The following SYNPO2 variants were observed in gnomAD, a reference collection of about 807,000 sequenced individuals.
The protein encoded by SYNPO2 is synaptopodin-2.
Under a neutral mutation model 85.0 loss-of-function variants are expected in SYNPO2, and 56 were observed. The ratio of observed to expected loss-of-function variants is 0.66; its 90% CI spans 0.53 to 0.82. The LOEUF is 0.82. Ranked by LOEUF, SYNPO2 falls within the 40% of genes least tolerant of loss-of-function variation. SYNPO2 has a pLI of 0.00. For missense variants in SYNPO2, 1,575 were observed against 1,534.2 expected, an observed-to-expected ratio of 1.03 and a Z score of -0.44; for synonymous variants, 602 against 591.1, an observed-to-expected ratio of 1.02 and a Z score of -0.27.
intron 1 of SYNPO2, among the ~76,000 whole-genome samples, chr4:119,015,085 G>C (rs1737476803): frequency 6.6e-6 from 1 of 152,132 alleles, no homozygotes; most frequent in South Asian, 2.1e-4. Context: ...TTTCCAAAAT[G>C]GAAGCACCCT....
intron 4 of SYNPO2, among the ~76,000 whole-genome samples, chr4:119,052,360 A>G (rs1739080870): frequency 6.6e-6 from 1 of 152,184 alleles, no homozygotes; most frequent in Non-Finnish European, 1.5e-5. Context: ...GGATGAGTCC[A>G]AAGTCACTCC....
chr4:118,969,836 AC>A (rs1383305803), intron 1 of SYNPO2, among the ~76,000 whole-genome samples: 1 of 152,126 alleles, frequency 6.6e-6, no homozygotes, highest in African/African-American at 2.4e-5. Flanking sequence ...AGAAATGCCA[AC>A]AAAAATGATT....
intron 1 of SYNPO2, among the ~76,000 whole-genome samples, chr4:118,935,396 T>A (rs1221909189): frequency 6.6e-6 from 1 of 152,242 alleles, no homozygotes; most frequent in Non-Finnish European, 1.5e-5. Flanking sequence ...CTTAATTGCT[T>A]AATTTTTTGT....
At chr4:118,964,209 G>T (rs564236796) in intron 1 of SYNPO2, among the ~76,000 whole-genome samples, 1 of 152,218 alleles carries the variant, frequency 6.6e-6, no homozygotes, top group South Asian at 2.1e-4. Context: ...CAGCACTTTG[G>T]GAGGTTGAGG....
chr4:118,907,771 G>A (rs4833597), intron 1 of SYNPO2, among the ~76,000 whole-genome samples: 4 of 152,098 alleles, frequency 2.6e-5, no homozygotes, highest in African/African-American at 9.7e-5. Flanking sequence ...AAAAATAAAG[G>A]AAAAACTATA....
Position 119,027,047 on chromosome 4 carries a change from T to A in SYNPO2, c.678T>A (p.Ser226=). ...TCCCGGGAGCTGAAAAATCTAAGTC[T>A]CCTGACCCAGACCCTAACTTGTCAC... The part of the protein sequence containing the change: ...VALPGAEKSK[S]PDPDPNLSHD... Residue 226 remains serine (S), a synonymous_variant, in exon 3 of 5, where the codon TCT becomes TCA. Transcript: ENST00000307142. 4 of 1,613,938 alleles carry A rather than the reference T, an allele frequency of 2.5e-6. No homozygotes were observed. The highest frequency in any genetic ancestry group is 2.5e-6 in the Non-Finnish European group (3 of 1,179,910).
rs75871839 is a variant in SYNPO2, at chr4:118,988,592, C to T, written c.106-34838C>T. Reference sequence around the variant, plus strand: ...AAGCTCCAAGGAGTTTCTTTACCTACGAGTTATTCTGAAAAACATTTGTGA... The same window carrying T: ...AAGCTCCAAGGAGTTTCTTTACCTATGAGTTATTCTGAAAAACATTTGTGA... On this transcript the variant is annotated intron_variant, in intron 1 of 4. Transcript: ENST00000307142. Among the ~76,000 whole-genome samples, 473 of 152,276 alleles carry T rather than the reference C, an allele frequency of 3.1e-3. 18 individuals are homozygous for T. The East Asian group carries it at 0.072, about 23-fold the overall frequency.
At chr4:119,055,863 C>G (rs568145541) in intron 4 of SYNPO2, among the ~76,000 whole-genome samples, 2 of 151,952 alleles carry the variant, frequency 1.3e-5, no homozygotes, top group African/African-American at 2.4e-5. Flanking sequence ...CAGATAGAAA[C>G]CAGGAATGAA....
intron 1 of SYNPO2, among the ~76,000 whole-genome samples, chr4:118,896,070 G>T (rs1405530878): frequency 6.6e-6 from 1 of 152,134 alleles, no homozygotes; most frequent in Non-Finnish European, 1.5e-5. Flanking sequence ...GAAGCCCAAA[G>T]TTAAATATAA....
At chr4:118,884,172 G>T (rs1425658363), upstream of SYNPO2, among the ~76,000 whole-genome samples, 6 of 152,124 alleles carry the variant, frequency 3.9e-5, no homozygotes, top group African/African-American at 1.2e-4. Flanking sequence ...TTTTCTCAAG[G>T]TTGCTTGCTA....
rs1446149653 is a variant in SYNPO2, at chr4:118,906,983, T to TC, written c.105+17842_105+17843insC. 4.6e-5 allele frequency among the ~76,000 whole-genome samples: 7 copies of TC among 152,002 alleles called. No individual in the cohort carries two copies. In the South Asian group the frequency reaches 1.5e-3, roughly 32 times the overall value. On this transcript the variant is annotated intron_variant, in intron 1 of 4. Transcript: ENST00000307142. ...CCACCACACCCAGCTAATTTTTTTT[T>TC]TTTCTATTTTTTGTAGAGACAGGGT...
At chr4:118,864,011 T>A (rs1476192193) in intron 1 of SYNPO2, among the ~76,000 whole-genome samples, 3 of 152,222 alleles carry the variant, frequency 2.0e-5, no homozygotes, top group Non-Finnish European at 4.4e-5. Flanking sequence ...TTTGGTTTGC[T>A]CTTGTTTTTC....
intron 1 of SYNPO2, among the ~76,000 whole-genome samples, chr4:118,991,159 AT>A (rs1211304990): frequency 6.6e-6 from 1 of 151,534 alleles, no homozygotes; most frequent in Non-Finnish European, 1.5e-5. Flanking sequence ...ATTTTTTATT[AT>A]TTTTTGAGAC....
At chr4:118,991,749 A>G (rs1165827976) in intron 1 of SYNPO2, among the ~76,000 whole-genome samples, 1 of 152,156 alleles carries the variant, frequency 6.6e-6, no homozygotes, top group Non-Finnish European at 1.5e-5. Context: ...TTAGAGGGAA[A>G]GGGGCTGGGA....
chr4:118,944,629 C>CAA (rs143224518), intron 1 of SYNPO2, among the ~76,000 whole-genome samples: 7 of 151,602 alleles, frequency 4.6e-5, no homozygotes, highest in Admixed American at 6.6e-5. Flanking sequence ...GTAATAATTA[C>CAA]AAAAAAAACA....
chr4:119,007,391 A>C (rs561567377), intron 1 of SYNPO2, among the ~76,000 whole-genome samples: 1 of 148,182 alleles, frequency 6.7e-6, no homozygotes, highest in South Asian at 2.1e-4. Context: ...TGAAATGTTA[A>C]AAACAAAAAC....
At chr4:119,001,573 C>T (rs1183801612) in intron 1 of SYNPO2, among the ~76,000 whole-genome samples, 1 of 152,102 alleles carries the variant, frequency 6.6e-6, no homozygotes, top group Non-Finnish European at 1.5e-5. Flanking sequence ...ATCCAGTATA[C>T]CGGGAAGCCA....
intron 1 of SYNPO2, among the ~76,000 whole-genome samples, chr4:118,988,439 T>C (rs1736295988): frequency 6.6e-6 from 1 of 152,092 alleles, no homozygotes. Flanking sequence ...AACACAACCT[T>C]ATACAGCAGG....
intron 1 of SYNPO2, among the ~76,000 whole-genome samples, chr4:118,859,973 A>G (rs776136254): frequency 2.6e-5 from 4 of 152,108 alleles, no homozygotes; most frequent in Admixed American, 2.6e-4. Context: ...CTCTATTTTT[A>G]GTTTTATGAG....
Sources: gnomAD v4.1 joint callset for allele counts (sites outside exome capture counted in the v4.1 genomes callset) on GRCh38, gnomAD v4.1.1 for gene constraint, MANE v1.5 for transcripts, NCBI Gene and HGNC (gene_info 2026-07-23, HGNC 2026-07-21) for gene names.